MEI4: variants seen among roughly 807,000 people sequenced by gnomAD.
The protein encoded by MEI4 is meiosis-specific protein MEI4.
Under a neutral mutation model 31.4 loss-of-function variants are expected in MEI4, and 27 were observed. The observed-to-expected ratio is 0.86, with a 90% CI of 0.63 to 1.19. The LOEUF (loss-of-function observed/expected upper bound fraction) is 1.19, where lower values mean the gene tolerates loss of function less well. Ranked by LOEUF, MEI4 falls within the 50% of genes most tolerant of loss-of-function variation. The pLI is 0.00. For synonymous variants in MEI4, 122 were observed against 145.4 expected (o/e 0.84, Z 1.16); for missense variants, 329 against 398.9 (o/e 0.82, Z 1.49).
At chr6:77,916,677 C>G (rs538796776) in intron 4 of MEI4, among the ~76,000 whole-genome samples, 1 of 152,116 alleles carries the variant, frequency 6.6e-6, no homozygotes, top group Admixed American at 6.6e-5. Context: ...ACTTTCTTTG[C>G]TTATCCATTA....
intron 1 of MEI4, among the ~76,000 whole-genome samples, chr6:77,678,247 T>A (rs1768881372): frequency 1.3e-5 from 2 of 152,206 alleles, no homozygotes; most frequent in Admixed American, 1.3e-4. Flanking sequence ...AAAACAGATG[T>A]CCCTTCTGCT....
chr6:77,666,889 G>GTGTGCGTGCA (rs1768648324), intron 1 of MEI4, among the ~76,000 whole-genome samples: 3 of 151,540 alleles, frequency 2.0e-5, no homozygotes, highest in Non-Finnish European at 4.4e-5. Flanking sequence ...GTGTGCGTGC[G>GTGTGCGTGCA]TGCGTGCGTG....
At chr6:77,907,139 C>T (rs1383485101) in intron 4 of MEI4, among the ~76,000 whole-genome samples, 1 of 151,604 alleles carries the variant, frequency 6.6e-6, no homozygotes, top group Non-Finnish European at 1.5e-5. Flanking sequence ...AATTACTAGC[C>T]ATTTTTTTTA....
rs147184278 is a variant in MEI4, at chr6:77,683,919, A to T, written c.-14-6739A>T. 4.7e-3 allele frequency among the ~76,000 whole-genome samples: 714 copies of T among 152,280 alleles called. 7 individuals carry two copies. The highest frequency in any genetic ancestry group is 0.021 in the South Asian group (102 of 4,822). ...TACACAGAAGTAAGATTGCTGAATC[A>T]TATGGTAGTTGTATTTTGAGTTCTT... is the stretch of plus-strand genomic sequence containing the variant. On this transcript the variant is annotated intron_variant, in intron 1 of 4. Coordinates refer to ENST00000684080, the MANE Select transcript of MEI4 (RefSeq NM_001322247.2).
chr6:77,878,799 C>A (rs1463653815), intron 4 of MEI4, among the ~76,000 whole-genome samples: 4 of 152,040 alleles, frequency 2.6e-5, no homozygotes, highest in African/African-American at 9.7e-5. Context: ...GTCAAAAAAT[C>A]TCATGGTTTA....
chr6:77,783,782 A>G (rs1393138089), intron 3 of MEI4, among the ~76,000 whole-genome samples: 1 of 152,152 alleles, frequency 6.6e-6, no homozygotes, highest in Non-Finnish European at 1.5e-5. Flanking sequence ...TTCAAATAAA[A>G]TCAAATCAAC....
intron 4 of MEI4, among the ~76,000 whole-genome samples, chr6:77,916,881 C>G (rs1249132378): frequency 6.6e-6 from 1 of 151,626 alleles, no homozygotes; most frequent in Non-Finnish European, 1.5e-5. Flanking sequence ...AACTCGTCAT[C>G]TAGCATTAGG....
intron 4 of MEI4, among the ~76,000 whole-genome samples, chr6:77,918,819 G>C (rs1469311446): frequency 6.6e-6 from 1 of 151,918 alleles, no homozygotes; most frequent in Non-Finnish European, 1.5e-5. Context: ...AATAGGAGTG[G>C]TGAGAGAGGG....
At chr6:77,828,261 G>GA in intron 3 of MEI4, among the ~76,000 whole-genome samples, 1 of 142,786 alleles carries the variant, frequency 7.0e-6, no homozygotes, top group Admixed American at 7.3e-5. Context: ...CCAGGCCATG[G>GA]ACCAGTACTG....
At chr6:77,834,220 A>C (rs1048966488) in intron 4 of MEI4, among the ~76,000 whole-genome samples, 1 of 151,944 alleles carries the variant, frequency 6.6e-6, no homozygotes, top group Non-Finnish European at 1.5e-5. Flanking sequence ...CTTTCTATGG[A>C]ACCTTTAGAA....
intron 4 of MEI4, among the ~76,000 whole-genome samples, chr6:77,897,800 C>T (rs1766114653): frequency 6.6e-6 from 1 of 151,802 alleles, no homozygotes; most frequent in Admixed American, 6.6e-5. Context: ...AAAGATGATT[C>T]ACCAATCTAT....
chr6:77,731,577 T>C (rs1422266651), intron 2 of MEI4, among the ~76,000 whole-genome samples: 1 of 151,572 alleles, frequency 6.6e-6, no homozygotes, highest in East Asian at 1.9e-4. Flanking sequence ...ATTTTGTAGG[T>C]TGCCTGTTCA....
At chr6:77,680,465 C>T (rs1445248671) in intron 1 of MEI4, among the ~76,000 whole-genome samples, 1 of 151,956 alleles carries the variant, frequency 6.6e-6, no homozygotes, top group East Asian at 1.9e-4. Flanking sequence ...TCAGGGGATA[C>T]TTATTCACAG....
chr6:77,676,123 C>A (rs1368246197), intron 1 of MEI4, among the ~76,000 whole-genome samples: 1 of 152,084 alleles, frequency 6.6e-6, no homozygotes, highest in Non-Finnish European at 1.5e-5. Flanking sequence ...TTTCTGCAAC[C>A]ATTTACATGG....
At chr6:77,712,982 A>G (rs959172401) in intron 2 of MEI4, among the ~76,000 whole-genome samples, 1 of 152,076 alleles carries the variant, frequency 6.6e-6, no homozygotes, top group Non-Finnish European at 1.5e-5. Context: ...AAAAAAAAAA[A>G]AAGAAGAAGC....
At chr6:77,859,497 T>C (rs1165857072) in intron 4 of MEI4, among the ~76,000 whole-genome samples, 1 of 152,158 alleles carries the variant, frequency 6.6e-6, no homozygotes, top group Non-Finnish European at 1.5e-5. Flanking sequence ...TGTAAAAGCA[T>C]TCCTATTTCT....
At chr6:77,785,148 T>G (rs1490192793) in intron 3 of MEI4, among the ~76,000 whole-genome samples, 1 of 152,210 alleles carries the variant, frequency 6.6e-6, no homozygotes, top group African/African-American at 2.4e-5. Context: ...CTATATGCCT[T>G]CTCTGAGACT....
At chr6:77,719,823 CCTT>C (rs1413043774) in intron 2 of MEI4, among the ~76,000 whole-genome samples, 1 of 59,980 alleles carries the variant, frequency 1.7e-5, no homozygotes, top group Non-Finnish European at 3.1e-5. Flanking sequence ...GGCGGCTCTG[CCTT>C]CTTGGTGGAT....
chr6:77,700,449 C>T (rs1162482991), intron 2 of MEI4, among the ~76,000 whole-genome samples: 1 of 152,164 alleles, frequency 6.6e-6, no homozygotes, highest in Non-Finnish European at 1.5e-5. Flanking sequence ...TGGAAAAGCG[C>T]AGTATTTGGA....
Sources: allele counts gnomAD v4.1 joint callset (sites outside exome capture counted in the v4.1 genomes callset), GRCh38; gene constraint gnomAD v4.1.1; transcripts MANE v1.5; gene names NCBI Gene and HGNC (gene_info 2026-07-23, HGNC 2026-07-21).